The following GABBR2 variants were observed in gnomAD, a reference collection of about 807,000 sequenced individuals.
The protein encoded by GABBR2 is G-protein coupled receptor 51.
In GABBR2, 23 loss-of-function variants were observed where a neutral mutation model predicts 105.6. The observed-to-expected ratio is 0.22, with a 90% CI of 0.16 to 0.31. The LOEUF is 0.31. Among genes scored for constraint, GABBR2 ranks in the 10% least tolerant of loss-of-function variants. GABBR2 has a pLI of 1.00. For missense variants in GABBR2, 734 were observed against 1,245.5 expected, an observed-to-expected ratio of 0.59 and a Z score of 6.18; for synonymous variants, 478 against 499.7, an observed-to-expected ratio of 0.96 and a Z score of 0.58.
At chr9:98,293,479 G>A (rs1382963337) in intron 18 of GABBR2, among the ~76,000 whole-genome samples, 1 of 152,210 alleles carries the variant, frequency 6.6e-6, no homozygotes, top group East Asian at 1.9e-4. Context: ...ATTTAGCAAG[G>A]TTAAATTTTA....
intron 5 of GABBR2, among the ~76,000 whole-genome samples, chr9:98,475,062 C>A (rs902359471): frequency 6.6e-6 from 1 of 152,068 alleles, no homozygotes; most frequent in Admixed American, 6.6e-5. Context: ...ACAAAAGACC[C>A]CTTCAACTAC....
At position 98,289,757 on chromosome 9, in the gene GABBR2, C is replaced by T. The variant is rs1480559724; in HGVS notation, c.*827G>A. 1 of 152,700 alleles carries T rather than the reference C, an allele frequency of 6.5e-6. No homozygotes were observed. The highest frequency in any genetic ancestry group is 1.9e-4 in the East Asian group (1 of 5,202). 9.5% of individuals were successfully genotyped at this position (152,700 alleles called of 1,614,324 possible). On this transcript the variant is annotated 3_prime_UTR_variant, in exon 19 of 19. Coordinates refer to ENST00000259455, the MANE Select transcript of GABBR2 (RefSeq NM_005458.8). ...TCCATGATTAGCTCGGGTGGTCCCC[C>T]TGGTTACTGGGAGCATCCGATAGGA... is the stretch of plus-strand genomic sequence containing the variant.
intron 1 of GABBR2, among the ~76,000 whole-genome samples, chr9:98,673,623 T>A (rs1436643649): frequency 2.0e-5 from 3 of 149,924 alleles, no homozygotes; most frequent in African/African-American, 7.3e-5. Context: ...TTTAGAAAGA[T>A]ACACAGGATG....
intron 7 of GABBR2, among the ~76,000 whole-genome samples, chr9:98,429,393 A>C (rs1471946864): frequency 2.6e-5 from 4 of 152,050 alleles, no homozygotes; most frequent in Non-Finnish European, 5.9e-5. Flanking sequence ...CGCCCACCTC[A>C]GCCTCCCAAA....
chr9:98,411,106 A>C (rs562429815), intron 7 of GABBR2, among the ~76,000 whole-genome samples: 3 of 152,216 alleles, frequency 2.0e-5, no homozygotes, highest in Admixed American at 6.5e-5. Flanking sequence ...AATACAAATA[A>C]AATCACAGAA....
intron 13 of GABBR2, among the ~76,000 whole-genome samples, chr9:98,317,224 G>A (rs1024948385): frequency 6.6e-6 from 1 of 152,352 alleles, no homozygotes; most frequent in East Asian, 1.9e-4. Flanking sequence ...ACCGGTTTGG[G>A]ACGGCCAGAA....
intron 13 of GABBR2, among the ~76,000 whole-genome samples, chr9:98,318,278 A>T (rs1830754078): frequency 6.6e-6 from 1 of 152,164 alleles, no homozygotes; most frequent in Non-Finnish European, 1.5e-5. Flanking sequence ...TCCAGGGGCC[A>T]CCCTTTGGGC....
intron 1 of GABBR2, among the ~76,000 whole-genome samples, chr9:98,701,952 G>A (rs1410680016): frequency 2.6e-5 from 4 of 152,106 alleles, no homozygotes; most frequent in African/African-American, 7.2e-5. Flanking sequence ...ACAGAGCAGC[G>A]ATATTTCCTG....
intron 1 of GABBR2, among the ~76,000 whole-genome samples, chr9:98,622,469 C>G (rs531404430): frequency 6.6e-6 from 1 of 152,096 alleles, no homozygotes; most frequent in Non-Finnish European, 1.5e-5. Context: ...ACAGAAACCC[C>G]CAGTCATGAT....
At chr9:98,438,718 C>A (rs1403941714) in intron 7 of GABBR2, among the ~76,000 whole-genome samples, 1 of 152,156 alleles carries the variant, frequency 6.6e-6, no homozygotes, top group Non-Finnish European at 1.5e-5. Flanking sequence ...GGCCTGCCAC[C>A]ATTTTTTATT....
At chr9:98,385,608 C>G in intron 11 of GABBR2, 32 bp downstream of exon 11, 1 of 1,598,200 alleles carries the variant, frequency 6.3e-7, no homozygotes, top group East Asian at 2.2e-5. Flanking sequence ...AACTTTCTAT[C>G]ATATACCACT....
intron 7 of GABBR2, among the ~76,000 whole-genome samples, chr9:98,411,867 C>T (rs1832597360): frequency 1.3e-5 from 2 of 152,188 alleles, no homozygotes; most frequent in African/African-American, 4.8e-5. Flanking sequence ...AACCACTGCA[C>T]CCGGCTGCAA....
chr9:98,381,270 G>A (rs1443767447), intron 11 of GABBR2, among the ~76,000 whole-genome samples: 1 of 152,228 alleles, frequency 6.6e-6, no homozygotes, highest in Non-Finnish European at 1.5e-5. Flanking sequence ...CTGCAGTCAG[G>A]AGCTAGTAAG....
At chr9:98,325,844 T>C (rs1830912769) in intron 13 of GABBR2, among the ~76,000 whole-genome samples, 2 of 152,186 alleles carry the variant, frequency 1.3e-5, no homozygotes, top group South Asian at 4.1e-4. Context: ...CACATGCACA[T>C]GATGTTCTCA....
At chr9:98,447,768 G>T (rs1826162302) in intron 7 of GABBR2, among the ~76,000 whole-genome samples, 1 of 150,066 alleles carries the variant, frequency 6.7e-6, no homozygotes, top group Admixed American at 6.7e-5. Flanking sequence ...GCCAAACTGA[G>T]TTTAACTCTA....
At chr9:98,657,202 G>A (rs887989810) in intron 1 of GABBR2, among the ~76,000 whole-genome samples, 2 of 152,174 alleles carry the variant, frequency 1.3e-5, no homozygotes, top group Admixed American at 6.5e-5. Flanking sequence ...CATCTTTAGG[G>A]CTTTACCCAG....
chr9:98,294,922 C>G (rs867354133), intron 17 of GABBR2, among the ~76,000 whole-genome samples: 17 of 152,306 alleles, frequency 1.1e-4, no homozygotes, highest in African/African-American at 4.1e-4. Flanking sequence ...TCTCAACTCT[C>G]TCTGTGCTTC....
chr9:98,541,818 C>A, intron 3 of GABBR2, 55 bp downstream of exon 3: 1 of 1,552,092 alleles, frequency 6.4e-7, no homozygotes, highest in Non-Finnish European at 8.9e-7. Context: ...TTGCCTTTTG[C>A]TAGATGACAG....
chr9:98,328,398 G>C (rs1830962521), intron 13 of GABBR2, among the ~76,000 whole-genome samples: 2 of 152,178 alleles, frequency 1.3e-5, no homozygotes. Context: ...TGATGATTGT[G>C]CGACTAATTG....
Sources: gnomAD v4.1 joint callset for allele counts (sites outside exome capture counted in the v4.1 genomes callset) on GRCh38, gnomAD v4.1.1 for gene constraint, MANE v1.5 for transcripts, NCBI Gene and HGNC (gene_info 2026-07-23, HGNC 2026-07-21) for gene names.